Variants in CPZ observed in about 807,000 individuals in gnomAD.
CPZ encodes VEZT/CPZ fusion.
A neutral mutation model predicts 61.8 loss-of-function variants in CPZ; 103 were observed. The observed-to-expected ratio is 1.67, with a 90% CI of 1.42 to 1.96. The LOEUF (loss-of-function observed/expected upper bound fraction) is 1.96, where lower values mean the gene tolerates loss of function less well. Ranked by LOEUF, CPZ falls within the 30% of genes most tolerant of loss-of-function variation. The probability of loss-of-function intolerance (pLI) is 0.00; values close to 1 mark genes in which losing one functional copy is unlikely to be tolerated. For synonymous variants in CPZ, 551 were observed against 373.7 expected (o/e 1.47, Z -5.47); for missense variants, 1,461 against 914.9 (o/e 1.60, Z -7.70).
At chr4:8,610,224 C>G (rs999555162) in intron 7 of CPZ, among the ~76,000 whole-genome samples, 4 of 152,360 alleles carry the variant, frequency 2.6e-5, no homozygotes, top group African/African-American at 9.6e-5. Flanking sequence ...TTTCATTTAT[C>G]TGTGTCTCTT....
At chr4:8,599,734 C>T (rs1343945741) in intron 2 of CPZ, 6 of 803,622 alleles carry the variant, frequency 7.5e-6, no homozygotes, top group East Asian at 6.3e-5. Flanking sequence ...CAGAGATGTC[C>T]TCTCCATCCC....
At chr4:8,616,895 G>T (rs1716219256) in intron 9 of CPZ, among the ~76,000 whole-genome samples, 1 of 152,214 alleles carries the variant, frequency 6.6e-6, no homozygotes, top group South Asian at 2.1e-4. Context: ...AGGGCAGGGG[G>T]CAGTGGCTGT....
rs144181545 is a variant in CPZ, at chr4:8,607,369, G to C, written c.1171G>C (p.Asp391His). ...GGDLVVSYPF[D>H]FSKHPQEEKM... is the part of the protein sequence containing the mutation. ...CGACCTGGTGGTGTCCTACCCCTTC[G>C]ACTTCTCCAAGCACCCCCAGGAGGA... The change falls in exon 7 of 11, where the codon GAC becomes CAC. Residue 391 changes from aspartate (D) to histidine (H), a missense_variant. By Grantham distance (81) the Asp-to-His change is moderately conservative (BLOSUM62 -1). Transcript: ENST00000360986. 16 of 1,613,954 alleles carry C rather than the reference G, an allele frequency of 9.9e-6. No homozygotes were observed. The African/African-American group carries it at 1.9e-4, about 19-fold the overall frequency.
chr4:8,606,315 C>CG (rs1430817482), intron 5 of CPZ, 130 bp downstream of exon 5: 12 of 909,408 alleles, frequency 1.3e-5, no homozygotes, highest in Non-Finnish European at 1.8e-5. Flanking sequence ...CAGCAGGTGT[C>CG]GATACTGGCA....
rs747007837 is a variant in CPZ, at chr4:8,619,519, G to A, written c.1861G>A (p.Ala621Thr). ...GGCCACGGAGCCCGACCCGCTCCGG[G>A]CGCGCAGGCAGCCCTCGGCCGACGG... ...GEATEPDPLR[A>T]RRQPSADGSK... The change falls in exon 11 of 11, where the codon GCG becomes ACG. Residue 621 changes from alanine to threonine, a missense_variant. Transcript: ENST00000360986. The A allele has an allele frequency of 4.4e-6, 7 of 1,594,812 alleles. No individual in the cohort carries two copies. The African/African-American group carries it at 6.7e-5, about 15-fold the overall frequency.
chr4:8,617,726 G>C (rs1716301539), intron 9 of CPZ, among the ~76,000 whole-genome samples: 1 of 152,180 alleles, frequency 6.6e-6, no homozygotes. Flanking sequence ...TCCTGGTCCT[G>C]CTCAGCGTGA....
chr4:8,607,523 C>G (rs1334095548), intron 7 of CPZ, 98 bp downstream of exon 7: 1 of 1,397,770 alleles, frequency 7.2e-7, no homozygotes, highest in African/African-American at 1.4e-5. Flanking sequence ...GAAGGCAAAG[C>G]TCCTAGGAAC....
At chr4:8,608,695 C>G (rs1715263451) in intron 7 of CPZ, among the ~76,000 whole-genome samples, 1 of 151,538 alleles carries the variant, frequency 6.6e-6, no homozygotes, top group Non-Finnish European at 1.5e-5. Flanking sequence ...TGGGGAACCC[C>G]CAGCCTGGTC....
rs892448135 is a variant in CPZ, at chr4:8,618,322, C to G, written c.1504-107C>G. The G allele has an allele frequency of 4.8e-6, 5 of 1,032,528 alleles. No individual in the cohort carries two copies. In the East Asian group the frequency reaches 1.2e-4, roughly 25 times the overall value. 64.0% of individuals were successfully genotyped at this position (1,032,528 alleles called of 1,614,324 possible). ...CAGAGTGGGGCTCTGTGGGGTAGTT[C>G]CCCCTAGATACCAAGCTCTGAGGAG... On this transcript the variant is annotated intron_variant, in intron 9 of 10. Transcript: ENST00000360986.
intron 9 of CPZ, 21 bp downstream of exon 9, chr4:8,614,519 G>A (rs769762614): frequency 2.5e-6 from 4 of 1,610,222 alleles, no homozygotes; most frequent in Admixed American, 1.7e-5. Flanking sequence ...ACGGTCTCAG[G>A]GCTCTGGTCC....
chr4:8,610,557 C>G (rs1308350743), intron 7 of CPZ, among the ~76,000 whole-genome samples: 1 of 152,146 alleles, frequency 6.6e-6, no homozygotes, highest in African/African-American at 2.4e-5. Context: ...GAGGCTACAC[C>G]CTGTCAAGCT....
intron 1 of CPZ, among the ~76,000 whole-genome samples, chr4:8,598,142 G>A (rs976206261): frequency 2.0e-5 from 3 of 152,220 alleles, no homozygotes; most frequent in Admixed American, 2.0e-4. Context: ...ATGGAAACGG[G>A]AGCTCTCCTA....
rs201714885 is a variant in CPZ, at chr4:8,614,457, T to C, written c.1462T>C (p.Trp488Arg). ...CCCCGAGGAGGCCCTGTACATACTC[T>C]GGCAGCACAACAAGGAGTCACTCCT... ...FPPEEALYIL[W>R]QHNKESLLNF... Residue 488 changes from tryptophan to arginine, a missense_variant, in exon 9 of 11, where the codon TGG becomes CGG. Transcript: ENST00000360986. The C allele has an allele frequency of 6.7e-5, 108 of 1,613,896 alleles. No homozygotes were observed. In the East Asian group the frequency reaches 2.2e-3, roughly 33 times the overall value.
chr4:8,604,999 A>G (rs1714830407), intron 4 of CPZ, among the ~76,000 whole-genome samples: 1 of 152,184 alleles, frequency 6.6e-6, no homozygotes, highest in East Asian at 1.9e-4. Context: ...TCCAACTGTA[A>G]CATGCTCTGG....
In CPZ at chr4:8,592,811, C is replaced by T; in HGVS notation, c.-23C>T. ...CCGAGTGCCACATCACTGCGCTGGC[C>T]GTCCAAGGTCCGCCGCCCCACCATG... On this transcript the variant is annotated 5_prime_UTR_variant, in exon 1 of 11. Coordinates refer to ENST00000360986, the MANE Select transcript of CPZ (RefSeq NM_001014447.3). 3 of 1,426,276 alleles carry T rather than the reference C, an allele frequency of 2.1e-6. No homozygotes were observed. Among genetic ancestry groups the T allele is most frequent in the Non-Finnish European group, 2.7e-6 (3 of 1,093,402 alleles). The allele number at this position is 1,426,276 out of a possible 1,614,324, so 88.4% of individuals were successfully genotyped here.
rs764034063 is a variant in CPZ, at chr4:8,606,890, TG to T, written c.1064del (p.Gly355ValfsTer11). 1.2e-6 allele frequency: 2 copies of T among 1,609,490 alleles called. No individual in the cohort carries two copies. Among genetic ancestry groups the T allele is most frequent in the Non-Finnish European group, 1.7e-6 (2 of 1,178,284 alleles). On this transcript the variant is annotated frameshift_variant, in exon 6 of 11. Transcript: ENST00000360986. LOFTEE classifies it high-confidence loss of function. ...DHIPIPQHYW[W>X]GKVAPETKAI... ...CATCCCCATCCCCCAGCACTACTGGTGGGGTAAGGTAGGAGCCGCCGCTGCC... is the reference window on the plus strand; with the variant it reads ...CATCCCCATCCCCCAGCACTACTGGTGGGTAAGGTAGGAGCCGCCGCTGCC...
chr4:8,600,466 G>A (rs1714491862), intron 2 of CPZ, among the ~76,000 whole-genome samples: 2 of 152,122 alleles, frequency 1.3e-5, no homozygotes, highest in African/African-American at 4.8e-5. Context: ...GACACAGTCA[G>A]CTCCCGACGG....
rs1264455882 is a variant in CPZ at position 8,619,361 on chromosome 4, C to G, written c.1703C>G (p.Pro568Arg). 8 of 1,614,214 alleles carry G rather than the reference C, an allele frequency of 5.0e-6. No homozygotes were observed. The highest frequency in any genetic ancestry group is 6.8e-6 in the Non-Finnish European group (8 of 1,180,032). ...YAKVIKKVII[P>R]ARMKRAGRVD... Reference sequence around the variant, plus strand: ...AAAGTCATCAAGAAAGTCATCATCCCCGCCCGGATGAAGAGGGCTGGCCGT... The same window carrying G: ...AAAGTCATCAAGAAAGTCATCATCCGCGCCCGGATGAAGAGGGCTGGCCGT... The change falls in exon 11 of 11, where the codon CCC (proline) becomes CGC (arginine). Residue 568 changes from proline (P) to arginine (R), a missense_variant. By Grantham distance (103) the Pro-to-Arg change is moderately radical (BLOSUM62 -2). Transcript: ENST00000360986.
At chr4:8,611,924 C>T in intron 7 of CPZ, 103 bp from the exon 8 acceptor site, 9 of 1,511,688 alleles carry the variant, frequency 6.0e-6, no homozygotes, top group South Asian at 1.2e-5. Flanking sequence ...CTCCTATCTG[C>T]AATGCAGGTG....
Sources: gnomAD v4.1 joint callset for allele counts (sites outside exome capture counted in the v4.1 genomes callset) on GRCh38, gnomAD v4.1.1 for gene constraint, MANE v1.5 for transcripts, NCBI Gene and HGNC (gene_info 2026-07-23, HGNC 2026-07-21) for gene names.